AQP4: variants seen among roughly 807,000 people sequenced by gnomAD.
AQP4 encodes aquaporin-4.
A neutral mutation model predicts 27.8 loss-of-function variants in AQP4; 18 were observed. That is an observed-to-expected ratio of 0.65 (90% CI 0.45 to 0.96). AQP4 has a LOEUF of 0.96. Among genes scored for constraint, AQP4 ranks in the 40% least tolerant of loss-of-function variants. AQP4 has a pLI of 0.00. For synonymous variants in AQP4, 141 were observed against 142.9 expected (o/e 0.99, Z 0.10); for missense variants, 412 against 408.2 (o/e 1.01, Z -0.08).
chr18:26,862,239 T>A lies in AQP4; in HGVS notation c.390A>T (p.Ala130=), dbSNP rs1161443293. 3 of 1,614,066 alleles carry A rather than the reference T, an allele frequency of 1.9e-6. No homozygotes were observed. Among genetic ancestry groups the A allele is most frequent in the Non-Finnish European group, 2.5e-6 (3 of 1,180,046 alleles). Residue 130 remains alanine (A), a synonymous_variant, in exon 2 of 5, where the codon GCA becomes GCT. Coordinates refer to ENST00000383168, the MANE Select transcript of AQP4 (RefSeq NM_001650.7). ...AAQCLGAIIG[A]GILYLVTPPS... ...GAGGTGTGACCAGATAGAGGATTCCTGCTCCAATGATGGCCCCCAGGCACT... is the reference window on the plus strand; with the variant it reads ...GAGGTGTGACCAGATAGAGGATTCCAGCTCCAATGATGGCCCCCAGGCACT...
chr18:26,852,770 A>G lies in AQP4; in HGVS notation c.*3441T>C. The stretch of plus-strand genomic sequence containing the variant: ...AGACAGAATTACTTTTAGGTATAAA[A>G]TGTTCTGAATTTGCAAATTCTATAG... On this transcript the variant is annotated 3_prime_UTR_variant, in exon 5 of 5. Coordinates refer to ENST00000383168, the MANE Select transcript of AQP4 (RefSeq NM_001650.7). 2 of 398,492 alleles carry G rather than the reference A, an allele frequency of 5.0e-6. No homozygotes were observed. Among genetic ancestry groups the G allele is most frequent in the Non-Finnish European group, 4.4e-6 (1 of 225,956 alleles). 24.7% of individuals were successfully genotyped at this position (398,492 alleles called of 1,614,324 possible).
Position 26,855,913 on chromosome 18 carries a change from C to G in AQP4, c.*298G>C. ...TGAGTTCTGTCAGGCAAGACTTAAC[C>G]AAATCTTGACACACGGTTAAAATTG... On this transcript the variant is annotated 3_prime_UTR_variant, in exon 5 of 5. Coordinates refer to ENST00000383168, the MANE Select transcript of AQP4 (RefSeq NM_001650.7). The G allele has an allele frequency of 2.7e-6, 1 of 374,836 alleles. No homozygotes were observed. Among genetic ancestry groups the G allele is most frequent in the Non-Finnish European group, 5.0e-6 (1 of 200,218 alleles). 23.2% of individuals were successfully genotyped at this position (374,836 alleles called of 1,614,324 possible). A position where few individuals can be genotyped will look rare whatever the true frequency, so the allele number is the denominator to read the frequency against.
rs1156304939 is a variant in AQP4, at chr18:26,861,307, A to G, written c.448-12T>C. 5.6e-6 allele frequency: 9 copies of G among 1,611,986 alleles called. No homozygotes were observed. The South Asian group carries it at 8.8e-5, about 16-fold the overall frequency. Reference sequence around the variant, plus strand: ...AGATTTCCATGAACCTAGAGAAAGAAAAATATTCCATCAGAATTGAAGCAA... The same window carrying G: ...AGATTTCCATGAACCTAGAGAAAGAGAAATATTCCATCAGAATTGAAGCAA... On this transcript the variant is annotated splice_polypyrimidine_tract_variant and intron_variant, in intron 2 of 4. Coordinates refer to ENST00000383168, the MANE Select transcript of AQP4 (RefSeq NM_001650.7).
In AQP4 at chr18:26,855,716, C is replaced by A; in HGVS notation, c.*495G>T. 5.4e-6 allele frequency: 1 copy of A among 184,724 alleles called. No individual in the cohort carries two copies. The highest frequency in any genetic ancestry group is 1.2e-5 in the Non-Finnish European group (1 of 86,916). 11.4% of individuals were successfully genotyped at this position (184,724 alleles called of 1,614,324 possible). A position where few individuals can be genotyped will look rare whatever the true frequency, so the allele number is the denominator to read the frequency against. On this transcript the variant is annotated 3_prime_UTR_variant, in exon 5 of 5. Coordinates refer to ENST00000383168, the MANE Select transcript of AQP4 (RefSeq NM_001650.7). ...TGCTCTTTTGCCAAGGTAGTCTATG[C>A]ATAAGGGATTGCTCATAAAAGAACT... is the stretch of plus-strand genomic sequence containing the variant.
chr18:26,865,672 T>A lies in AQP4; in HGVS notation c.18A>T (p.Thr6=). 2 of 1,614,228 alleles carry A rather than the reference T, an allele frequency of 1.2e-6. No homozygotes were observed. Among genetic ancestry groups the A allele is most frequent in the Non-Finnish European group, 1.7e-6 (2 of 1,180,034 alleles). MSDRP[T]ARRWGKCGPL... ...GAAGGACTTACCCCCACCGCCTTGC[T>A]GTGGGTCTGTCACTCATGCCTTCCC... The change falls in exon 1 of 5, where the codon ACA becomes ACT. Residue 6 remains threonine (T), a synonymous_variant. Coordinates refer to ENST00000383168, the MANE Select transcript of AQP4 (RefSeq NM_001650.7).
intron 1 of AQP4, 123 bp downstream of exon 1, chr18:26,865,535 C>A (rs2055043871): frequency 1.6e-6 from 2 of 1,253,934 alleles, no homozygotes; most frequent in Non-Finnish European, 2.3e-6. Context: ...CTAAAAGAAC[C>A]ACCCACCTGC....
At chr18:26,859,272 C>A (rs1327211658) in intron 4 of AQP4, among the ~76,000 whole-genome samples, 1 of 152,170 alleles carries the variant, frequency 6.6e-6, no homozygotes, top group Non-Finnish European at 1.5e-5. Context: ...GTAATCCCAG[C>A]ACTTTGGGAG....
At chr18:26,863,367 A>G (rs994572392) in intron 1 of AQP4, among the ~76,000 whole-genome samples, 35 of 151,930 alleles carry the variant, frequency 2.3e-4, no homozygotes, top group African/African-American at 8.2e-4. Context: ...AGCCTGGAGC[A>G]CCTCTCAGAG....
At chr18:26,863,653 G>C (rs935124913) in intron 1 of AQP4, among the ~76,000 whole-genome samples, 2 of 152,238 alleles carry the variant, frequency 1.3e-5, no homozygotes, top group Non-Finnish European at 2.9e-5. Context: ...CAATGCCCCG[G>C]TACCTTTCCT....
At position 26,853,053 on chromosome 18, in the gene AQP4, T is replaced by C. The variant is rs2054778701; in HGVS notation, c.*3158A>G. On this transcript the variant is annotated 3_prime_UTR_variant, in exon 5 of 5. Transcript: ENST00000383168. ...GTCTGGTTTCATGGTCTGAGAACAG[T>C]ATTCTGTGCTCTTTGGAATCAGATC... 2.5e-6 allele frequency: 1 copy of C among 396,124 alleles called. No homozygotes were observed. Among genetic ancestry groups the C allele is most frequent in the South Asian group, 1.4e-4 (1 of 7,064 alleles). The allele number at this position is 396,124 out of a possible 1,614,324, so 24.5% of individuals were successfully genotyped here. A position where few individuals can be genotyped will look rare whatever the true frequency, so the allele number is the denominator to read the frequency against.
At chr18:26,857,542 G>A (rs2054866254) in intron 4 of AQP4, among the ~76,000 whole-genome samples, 1 of 152,034 alleles carries the variant, frequency 6.6e-6, no homozygotes, top group Non-Finnish European at 1.5e-5. Flanking sequence ...TAGCCAGGAT[G>A]GTCTCAATCT....
rs1289309148 is a variant in AQP4 at position 26,853,989 on chromosome 18, T to A, written c.*2222A>T. On this transcript the variant is annotated 3_prime_UTR_variant, in exon 5 of 5. Coordinates refer to ENST00000383168, the MANE Select transcript of AQP4 (RefSeq NM_001650.7). ...AAAGATTAAAAGAAAATTATTTATA[T>A]TCTTAAATCTCAAATGAGATTTATA... 6.6e-6 allele frequency: 1 copy of A among 152,222 alleles called. No individual in the cohort carries two copies. The highest frequency in any genetic ancestry group is 1.5e-5 in the Non-Finnish European group (1 of 68,034). The allele number at this position is 152,222 out of a possible 1,614,324, so 9.4% of individuals were successfully genotyped here.
Position 26,856,004 on chromosome 18 carries a change from T to C in AQP4, c.*207A>G. 1.6e-6 allele frequency: 1 copy of C among 633,608 alleles called. No individual in the cohort carries two copies. Among genetic ancestry groups the C allele is most frequent in the Non-Finnish European group, 2.7e-6 (1 of 377,326 alleles). The allele number at this position is 633,608 out of a possible 1,614,324, so 39.2% of individuals were successfully genotyped here. On this transcript the variant is annotated 3_prime_UTR_variant, in exon 5 of 5. Coordinates refer to ENST00000383168, the MANE Select transcript of AQP4 (RefSeq NM_001650.7). ...TGCTTAAGAACATTTTAAAAATATTTCTTTTTTTAGATTTGGAATTCACAA... is the reference window on the plus strand; with the variant it reads ...TGCTTAAGAACATTTTAAAAATATTCCTTTTTTTAGATTTGGAATTCACAA...
At chr18:26,865,484 C>T (rs2055042892) in intron 1 of AQP4, 174 bp downstream of exon 1, 1 of 814,152 alleles carries the variant, frequency 1.2e-6, no homozygotes, top group Non-Finnish European at 2.1e-6. Context: ...TTTCTTCTAC[C>T]TTCTCTATGC....
In AQP4 at chr18:26,853,315, G is replaced by A. The variant is rs1276482937; in HGVS notation, c.*2896C>T. On this transcript the variant is annotated 3_prime_UTR_variant, in exon 5 of 5. Transcript: ENST00000383168. ...TAAGTCCAGAAAATATTTCCTTCCAGTACAAAAGGTTAAGGCTCTTTGAAG... is the reference window on the plus strand; with the variant it reads ...TAAGTCCAGAAAATATTTCCTTCCAATACAAAAGGTTAAGGCTCTTTGAAG... The A allele has an allele frequency of 6.4e-6, 1 of 156,914 alleles. No individual in the cohort carries two copies. The highest frequency in any genetic ancestry group is 1.4e-5 in the Non-Finnish European group (1 of 71,376). The allele number at this position is 156,914 out of a possible 1,614,324, so 9.7% of individuals were successfully genotyped here.
chr18:26,863,452 G>A (rs1373294838), intron 1 of AQP4, among the ~76,000 whole-genome samples: 1 of 148,700 alleles, frequency 6.7e-6, no homozygotes, highest in African/African-American at 2.5e-5. Context: ...AAGCGGCCCC[G>A]CGAGCTCGCC....
rs916984111 is a variant in AQP4 at position 26,852,673 on chromosome 18, T to A, written c.*3538A>T. 2.5e-5 allele frequency: 10 copies of A among 395,464 alleles called. No homozygotes were observed. In the Admixed American group the frequency reaches 3.5e-4, roughly 14 times the overall value. 24.5% of individuals were successfully genotyped at this position (395,464 alleles called of 1,614,324 possible). ...AAAATTTGTGGTAACAAAAGAGAGTTTTGTTACATTACACTTTCCAAATAG... is the reference window on the plus strand; with the variant it reads ...AAAATTTGTGGTAACAAAAGAGAGTATTGTTACATTACACTTTCCAAATAG... On this transcript the variant is annotated 3_prime_UTR_variant, in exon 5 of 5. Transcript: ENST00000383168.
At position 26,855,459 on chromosome 18, in the gene AQP4, CTT is replaced by C. The variant is rs1488871592; in HGVS notation, c.*750_*751del. 4 of 152,290 alleles carry C rather than the reference CTT, an allele frequency of 2.6e-5. No homozygotes were observed. The highest frequency in any genetic ancestry group is 9.7e-5 in the African/African-American group (4 of 41,446). The allele number at this position is 152,290 out of a possible 1,614,324, so 9.4% of individuals were successfully genotyped here. Reference sequence around the variant, plus strand: ...GTTTGTGATTTTTGTATGATGATAACTTTGCCTCTGCCTCTACAAGATTTTAC... The same window carrying C: ...GTTTGTGATTTTTGTATGATGATAACTGCCTCTGCCTCTACAAGATTTTAC... On this transcript the variant is annotated 3_prime_UTR_variant, in exon 5 of 5. Coordinates refer to ENST00000383168, the MANE Select transcript of AQP4 (RefSeq NM_001650.7).
intron 3 of AQP4, 81 bp downstream of exon 3, chr18:26,861,050 G>A (rs1598515021): frequency 3.2e-6 from 5 of 1,552,722 alleles, no homozygotes; most frequent in African/African-American, 2.7e-5. Context: ...AGCTACTGCT[G>A]TAAAACACAA....
Sources: gnomAD v4.1 joint callset for allele counts (sites outside exome capture counted in the v4.1 genomes callset) on GRCh38, gnomAD v4.1.1 for gene constraint, MANE v1.5 for transcripts, NCBI Gene and HGNC (gene_info 2026-07-23, HGNC 2026-07-21) for gene names.